The following PHF3 variants were observed in gnomAD, a reference collection of about 807,000 sequenced individuals.
PHF3 encodes PHD finger protein 3.
Under a neutral mutation model 178.4 loss-of-function variants are expected in PHF3, and 41 were observed. The observed-to-expected ratio is 0.23, with a 90% CI of 0.18 to 0.30. PHF3 has a LOEUF of 0.30. Ranked by LOEUF, PHF3 falls within the 10% of genes least tolerant of loss-of-function variation. PHF3 has a pLI of 1.00. For missense variants in PHF3, 2,346 were observed against 2,398.1 expected, an observed-to-expected ratio of 0.98 and a Z score of 0.45; for synonymous variants, 842 against 800.5, an observed-to-expected ratio of 1.05 and a Z score of -0.88.
At position 63,694,741 on chromosome 6, in the gene PHF3, C is replaced by A. The variant is rs1215474144; in HGVS notation, c.2657C>A (p.Thr886Lys). 5 of 1,528,096 alleles carry A rather than the reference C, an allele frequency of 3.3e-6. No homozygotes were observed. The highest frequency in any genetic ancestry group is 4.4e-6 in the Non-Finnish European group (5 of 1,138,906). 94.7% of individuals were successfully genotyped at this position (1,528,096 alleles called of 1,614,324 possible). ...AAAGAGTCTACAACTGTTACTTGCA[C>A]AGGAGAAAAAGCTTCAAAACCAGGT... The part of the protein sequence containing the change: ...IPKESTTVTC[T>K]GEKASKPGTH... Residue 886 changes from threonine (T) to lysine (K), a missense_variant, in exon 6 of 16, where the codon ACA (threonine) becomes AAA (lysine). Coordinates refer to ENST00000262043, the MANE Select transcript of PHF3 (RefSeq NM_001370348.2).
chr6:63,639,037 G>A (rs1764466309), intron 1 of PHF3, among the ~76,000 whole-genome samples: 2 of 152,074 alleles, frequency 1.3e-5, no homozygotes, highest in Admixed American at 1.3e-4. Context: ...TAGAGTTAAA[G>A]GGGAAAATAT....
At position 63,722,646 on chromosome 6, in the gene PHF3, G is replaced by A. The variant is rs147713388; in HGVS notation, c.*8938G>A. Among the ~76,000 whole-genome samples the A allele has an allele frequency of 2.2e-4, 34 of 152,244 alleles. No homozygotes were observed. The highest frequency in any genetic ancestry group is 7.7e-4 in the African/African-American group (32 of 41,556). On this transcript the variant is annotated 3_prime_UTR_variant, in exon 16 of 16. Coordinates refer to ENST00000262043, the MANE Select transcript of PHF3 (RefSeq NM_001370348.2). ...TAATGAACCACGCAGAAGTCTCCACGAAACATTTTCTTCTCCCTCTGAAAT... is the reference window on the plus strand; with the variant it reads ...TAATGAACCACGCAGAAGTCTCCACAAAACATTTTCTTCTCCCTCTGAAAT...
chr6:63,640,332 A>ACTGAC (rs1764519963), intron 1 of PHF3, among the ~76,000 whole-genome samples: 1 of 152,182 alleles, frequency 6.6e-6, no homozygotes. Context: ...GTAGTTAAGA[A>ACTGAC]CTGACCTTAG....
chr6:63,691,913 C>A lies in PHF3; in HGVS notation c.2366C>A (p.Ala789Asp). Residue 789 changes from alanine to aspartate, a missense_variant, in exon 5 of 16, where the codon GCT becomes GAT. By Grantham distance (126) the Ala-to-Asp change is moderately radical. Transcript: ENST00000262043. ...GATCCAGATACTTTGGAAAACCAAG[C>A]TACAGTTGAATTCCATAGTGGAGAT... The part of the protein sequence containing the change: ...ILDPDTLENQ[A>D]TVEFHSGDKT... 1 of 1,613,508 alleles carries A rather than the reference C, an allele frequency of 6.2e-7. No individual in the cohort carries two copies. Among genetic ancestry groups the A allele is most frequent in the Admixed American group, 1.7e-5 (1 of 59,964 alleles).
chr6:63,669,299 G>T (rs1018247062), intron 2 of PHF3, among the ~76,000 whole-genome samples: 1 of 152,146 alleles, frequency 6.6e-6, no homozygotes, highest in African/African-American at 2.4e-5. Context: ...TAGTAGTCTT[G>T]GGAAACCAGT....
Position 63,721,097 on chromosome 6 carries a change from C to T in PHF3, c.*7389C>T. On this transcript the variant is annotated 3_prime_UTR_variant, in exon 16 of 16. Coordinates refer to ENST00000262043, the MANE Select transcript of PHF3 (RefSeq NM_001370348.2). ...TGAAATTTAAGGATATAGTAGTGAA[C>T]TGGAGGTTTCTCATTCTATAATTTG... is the stretch of plus-strand genomic sequence containing the variant. The T allele has an allele frequency of 6.4e-7, 1 of 1,551,310 alleles. No homozygotes were observed. Among genetic ancestry groups the T allele is most frequent in the Non-Finnish European group, 8.7e-7 (1 of 1,146,722 alleles).
In PHF3 at chr6:63,685,516, T is replaced by G; in HGVS notation, c.1794T>G (p.Asp598Glu). ...IFKPLTHSLSDKSHAHPGCLK... is the reference protein window; with the variant it reads ...IFKPLTHSLSEKSHAHPGCLK... ...AGCCCTTAACTCATTCTTTGAGTGA[T>G]AAGTCACACGCTCATCCTGGTTGCT... is the stretch of plus-strand genomic sequence containing the variant. The change falls in exon 4 of 16, where the codon GAT (aspartate) becomes GAG (glutamate). Residue 598 changes from aspartate to glutamate, a missense_variant. Physicochemically the swap from Asp to Glu is conservative, Grantham distance 45. Coordinates refer to ENST00000262043, the MANE Select transcript of PHF3 (RefSeq NM_001370348.2). The G allele has an allele frequency of 6.2e-7, 1 of 1,614,104 alleles. No homozygotes were observed. Among genetic ancestry groups the G allele is most frequent in the Non-Finnish European group, 8.5e-7 (1 of 1,180,020 alleles).
intron 2 of PHF3, among the ~76,000 whole-genome samples, chr6:63,658,707 T>TG: frequency 9.2e-6 from 1 of 108,426 alleles, no homozygotes; most frequent in East Asian, 2.9e-4. Context: ...ACCAATAGAT[T>TG]TTGTGTGTGT....
In PHF3 at chr6:63,720,763, A is replaced by AG. The variant is rs1768346138; in HGVS notation, c.*7056dup. ...ATATTTACCTTTCTACCATATTCAA[A>AG]GCCCCCTAGATAACAAATGCCATCA... On this transcript the variant is annotated 3_prime_UTR_variant, in exon 16 of 16. Coordinates refer to ENST00000262043, the MANE Select transcript of PHF3 (RefSeq NM_001370348.2). 1 of 1,550,600 alleles carries AG rather than the reference A, an allele frequency of 6.4e-7. No homozygotes were observed. The highest frequency in any genetic ancestry group is 2.4e-5 in the East Asian group (1 of 40,836).
intron 4 of PHF3, among the ~76,000 whole-genome samples, chr6:63,687,313 A>T (rs916478317): frequency 1.3e-5 from 2 of 152,192 alleles, no homozygotes; most frequent in African/African-American, 4.8e-5. Flanking sequence ...AATCCCAGCT[A>T]TGTGGGAGAC....
chr6:63,721,590 G>T lies in PHF3; in HGVS notation c.*7882G>T. 6.4e-7 allele frequency: 1 copy of T among 1,551,608 alleles called. No individual in the cohort carries two copies. Among genetic ancestry groups the T allele is most frequent in the Non-Finnish European group, 8.7e-7 (1 of 1,146,758 alleles). ...ATAGAAGTCTGTATTTGTGTCCAGA[G>T]AACTCATTTTAGTGGAGGCCTTTTC... On this transcript the variant is annotated 3_prime_UTR_variant, in exon 16 of 16. Coordinates refer to ENST00000262043, the MANE Select transcript of PHF3 (RefSeq NM_001370348.2).
Position 63,646,765 on chromosome 6 carries a change from G to T in PHF3, c.214G>T (p.Asp72Tyr). The change falls in exon 2 of 16, where the codon GAT becomes TAT. Residue 72 changes from aspartate to tyrosine, a missense_variant. By Grantham distance (160) the Asp-to-Tyr change is radical. Coordinates refer to ENST00000262043, the MANE Select transcript of PHF3 (RefSeq NM_001370348.2). ...QFCLPVLDSN[D>Y]PNFQMPCSTV... ...CTGTTTGCCTGTTTTGGATAGCAAT[G>T]ATCCCAATTTCCAGATGCCTTGTTC... 3 of 1,504,408 alleles carry T rather than the reference G, an allele frequency of 2.0e-6. No homozygotes were observed. Among genetic ancestry groups the T allele is most frequent in the Non-Finnish European group, 2.7e-6 (3 of 1,119,976 alleles). 93.2% of individuals were successfully genotyped at this position (1,504,408 alleles called of 1,614,324 possible). A position where few individuals can be genotyped will look rare whatever the true frequency, so the allele number is the denominator to read the frequency against.
chr6:63,644,680 G>A (rs1181068022), intron 1 of PHF3, among the ~76,000 whole-genome samples: 1 of 151,910 alleles, frequency 6.6e-6, no homozygotes, highest in Non-Finnish European at 1.5e-5. Flanking sequence ...TATTTAGAAG[G>A]ACATTAACTT....
In PHF3 at chr6:63,703,618, C is replaced by G; in HGVS notation, c.3314C>G (p.Thr1105Ser). 6.2e-7 allele frequency: 1 copy of G among 1,612,488 alleles called. No individual in the cohort carries two copies. Among genetic ancestry groups the G allele is most frequent in the Non-Finnish European group, 8.5e-7 (1 of 1,179,416 alleles). Residue 1105 changes from threonine (T) to serine (S), a missense_variant, in exon 11 of 16, where the codon ACC becomes AGC. By Grantham distance (58) the Thr-to-Ser change is moderately conservative. Transcript: ENST00000262043. ...KEEVDSMSKD[T>S]TSQHRQHLFD... Reference sequence around the variant, plus strand: ...GAGGTTGACTCTATGTCTAAAGATACCACTAGTCAACACAGACAGCATCTT... The same window carrying G: ...GAGGTTGACTCTATGTCTAAAGATAGCACTAGTCAACACAGACAGCATCTT...
At chr6:63,672,018 T>A (rs895711256) in intron 2 of PHF3, among the ~76,000 whole-genome samples, 2 of 152,154 alleles carry the variant, frequency 1.3e-5, no homozygotes, top group African/African-American at 4.8e-5. Context: ...AATTTTTGTG[T>A]TTTTAGTAGA....
chr6:63,678,722 G>A (rs568883402), intron 2 of PHF3: 46 of 390,330 alleles, frequency 1.2e-4, no homozygotes, highest in African/African-American at 9.2e-4. Flanking sequence ...TTTGATCAAA[G>A]CATATGAGCA....
At chr6:63,682,261 G>A (rs1317633779) in intron 3 of PHF3, among the ~76,000 whole-genome samples, 1 of 152,104 alleles carries the variant, frequency 6.6e-6, no homozygotes, top group Non-Finnish European at 1.5e-5. Context: ...GCCCTTCTAA[G>A]TGTTAAGCAT....
chr6:63,690,331 G>A (rs1766940085), intron 4 of PHF3, among the ~76,000 whole-genome samples: 1 of 152,130 alleles, frequency 6.6e-6, no homozygotes, highest in Admixed American at 6.5e-5. Context: ...AGAATGATAA[G>A]TTATAGATGT....
intron 2 of PHF3, among the ~76,000 whole-genome samples, chr6:63,664,886 A>G (rs1022076834): frequency 6.6e-6 from 1 of 152,020 alleles, no homozygotes; most frequent in Non-Finnish European, 1.5e-5. Flanking sequence ...ATTTATTGTA[A>G]GTTATAATCT....
Sources: allele counts gnomAD v4.1 joint callset (sites outside exome capture counted in the v4.1 genomes callset), GRCh38; gene constraint gnomAD v4.1.1; transcripts MANE v1.5; gene names NCBI Gene and HGNC (gene_info 2026-07-23, HGNC 2026-07-21).